KLF12: variants seen among roughly 807,000 people sequenced by gnomAD.
KLF12 encodes KLF transcription factor 12.
KLF12 carries 9 observed loss-of-function variants against 37.8 expected under a neutral mutation model. That is an observed-to-expected ratio of 0.24 (90% CI 0.14 to 0.42). KLF12 has a LOEUF of 0.42. KLF12 is among the 10% of genes least tolerant of loss of function. KLF12 has a pLI of 1.00. For missense variants in KLF12, 411 were observed against 516.0 expected (o/e 0.80, Z 1.97); for synonymous variants, 208 against 202.1 (o/e 1.03, Z -0.25).
chr13:73,731,647 C>G (rs571296492), intron 6 of KLF12, among the ~76,000 whole-genome samples: 1 of 151,576 alleles, frequency 6.6e-6, no homozygotes, highest in East Asian at 1.9e-4. Flanking sequence ...ACTTGATGAC[C>G]TAGGTGATTG....
chr13:73,984,579 C>T (rs899047210), intron 2 of KLF12, among the ~76,000 whole-genome samples: 4 of 152,128 alleles, frequency 2.6e-5, no homozygotes, highest in Admixed American at 6.5e-5. Flanking sequence ...CCTTCCTTCC[C>T]GACTGCTAGC....
the KLF12 span, among the ~76,000 whole-genome samples, chr13:74,232,699 C>G: frequency 2.6e-5 from 4 of 152,074 alleles, no homozygotes; most frequent in African/African-American, 9.7e-5. Flanking sequence ...TAAATATACA[C>G]TGTATATGAC....
At chr13:73,789,918 C>A in intron 5 of KLF12, among the ~76,000 whole-genome samples, 1 of 152,182 alleles carries the variant, frequency 6.6e-6, no homozygotes, top group East Asian at 1.9e-4. Flanking sequence ...CCTTGTGATC[C>A]GCCCACCTCG....
intron 1 of KLF12, among the ~76,000 whole-genome samples, chr13:74,023,500 A>G (rs1206806091): frequency 6.6e-6 from 1 of 152,178 alleles, no homozygotes; most frequent in East Asian, 1.9e-4. Context: ...TTCTCTCTGA[A>G]GCCTGTAGAG....
chr13:73,871,040 C>T (rs79094116), intron 3 of KLF12, among the ~76,000 whole-genome samples: 3,883 of 152,284 alleles, frequency 0.025, 232 homozygotes, highest in Admixed American at 0.14. Context: ...GCTTTCTAAT[C>T]ATCTCCCTGA....
At chr13:73,859,395 C>T (rs1594179743) in intron 3 of KLF12, among the ~76,000 whole-genome samples, 2 of 152,160 alleles carry the variant, frequency 1.3e-5, no homozygotes, top group African/African-American at 4.8e-5. Context: ...ACGGGTAATT[C>T]CTAAGACTGA....
At chr13:74,275,860 T>TTCA in the KLF12 span, among the ~76,000 whole-genome samples, 10 of 117,506 alleles carry the variant, frequency 8.5e-5, no homozygotes, top group African/African-American at 3.1e-4. Context: ...CTTTCTTTCT[T>TTCA]TCTTTCTATC....
At position 74,041,732 on chromosome 13, in the gene KLF12, A is replaced by ACC. The variant is rs58625797; in HGVS notation, c.-31-46681_-31-46680dup. 6.1e-4 allele frequency among the ~76,000 whole-genome samples: 85 copies of ACC among 139,630 alleles called. 1 individual carries two copies. Among genetic ancestry groups the ACC allele is most frequent in the East Asian group, 4.6e-3 (22 of 4,780 alleles). The allele number at this position is 139,630 out of a possible 152,430, so 91.6% of individuals were successfully genotyped here. On this transcript the variant is annotated intron_variant, in intron 1 of 7. Coordinates refer to ENST00000377669, the MANE Select transcript of KLF12 (RefSeq NM_007249.5). ...CACACACACACACACACACACACAC[A>ACC]CCCCTTCAAAACAGAAAAGAAAACA...
chr13:73,724,691 A>G (rs190557774), intron 6 of KLF12, among the ~76,000 whole-genome samples: 1 of 152,352 alleles, frequency 6.6e-6, no homozygotes, highest in East Asian at 1.9e-4. Context: ...AGAGAGGTAT[A>G]CCAATATGAC....
chr13:74,168,627 G>A, the KLF12 span, among the ~76,000 whole-genome samples: 2 of 152,192 alleles, frequency 1.3e-5, no homozygotes, highest in Non-Finnish European at 2.9e-5. Flanking sequence ...TGCAGTGTGT[G>A]AGCCTTCTCA....
At chr13:74,301,228 A>G in the KLF12 span, among the ~76,000 whole-genome samples, 1 of 152,218 alleles carries the variant, frequency 6.6e-6, no homozygotes, top group African/African-American at 2.4e-5. Flanking sequence ...TAAATGTACC[A>G]GATCCCTGAT....
the KLF12 span, among the ~76,000 whole-genome samples, chr13:74,207,446 CG>C: frequency 6.6e-6 from 1 of 152,016 alleles, no homozygotes; most frequent in Non-Finnish European, 1.5e-5. Context: ...GAGGCCAAGG[CG>C]GGTGGATCAC....
chr13:74,213,725 C>T, the KLF12 span, among the ~76,000 whole-genome samples: 38,448 of 151,008 alleles, frequency 0.25, 7,176 homozygotes, highest in African/African-American at 0.53. Flanking sequence ...TAACATAGTT[C>T]GAACTCTAAA....
the KLF12 span, among the ~76,000 whole-genome samples, chr13:74,147,451 A>G: frequency 6.6e-6 from 1 of 152,184 alleles, no homozygotes; most frequent in African/African-American, 2.4e-5. Flanking sequence ...TTAATTTGTT[A>G]ATTGGCATTG....
intron 5 of KLF12, 66 bp from the exon 6 acceptor site, chr13:73,765,066 T>C: frequency 1.1e-6 from 1 of 924,578 alleles, no homozygotes; most frequent in East Asian, 2.4e-5. Context: ...TTTAAAAAAA[T>C]GGCATGTTTT....
intron 3 of KLF12, among the ~76,000 whole-genome samples, chr13:73,942,199 C>G (rs12583092): frequency 0.33 from 49,919 of 152,020 alleles, 9,936 homozygotes; most frequent in East Asian, 0.6. Context: ...ACCCACGATC[C>G]TGGCTTTGAC....
chr13:74,181,667 C>G, the KLF12 span, among the ~76,000 whole-genome samples: 199 of 145,442 alleles, frequency 1.4e-3, no homozygotes, highest in African/African-American at 4.6e-3. Context: ...CCACTGCACT[C>G]TAGCCTGGGT....
intron 1 of KLF12, among the ~76,000 whole-genome samples, chr13:74,035,893 T>A (rs1039876248): frequency 3.3e-5 from 5 of 152,228 alleles, no homozygotes; most frequent in Admixed American, 3.3e-4. Flanking sequence ...TTTACTTTTC[T>A]ATAAACATTT....
chr13:74,159,302 A>C, the KLF12 span, among the ~76,000 whole-genome samples: 1 of 152,200 alleles, frequency 6.6e-6, no homozygotes, highest in Non-Finnish European at 1.5e-5. Context: ...TCTTTTGGAA[A>C]GGGTGTTTTT....
Sources: gnomAD v4.1 joint callset for allele counts (sites outside exome capture counted in the v4.1 genomes callset) on GRCh38, gnomAD v4.1.1 for gene constraint, MANE v1.5 for transcripts, NCBI Gene and HGNC (gene_info 2026-07-23, HGNC 2026-07-21) for gene names.